Variants in SCN11A observed in about 807,000 individuals in gnomAD.
The protein encoded by SCN11A is sodium voltage-gated channel alpha subunit 11.
SCN11A carries 122 observed loss-of-function variants against 162.2 expected under a neutral mutation model. The observed-to-expected ratio is 0.75, with a 90% confidence interval of 0.65 to 0.87. The LOEUF (loss-of-function observed/expected upper bound fraction) is 0.87, where lower values mean the gene tolerates loss of function less well. Among genes scored for constraint, SCN11A ranks in the 40% least tolerant of loss-of-function variants. SCN11A has a pLI of 0.00. For synonymous variants in SCN11A, 758 were observed against 751.5 expected, an observed-to-expected ratio of 1.01 and a Z score of -0.14; for missense variants, 2,015 against 2,181.6, an observed-to-expected ratio of 0.92 and a Z score of 1.52.
At chr3:38,999,395 G>A (rs917276542) in intron 2 of SCN11A, among the ~76,000 whole-genome samples, 5 of 152,122 alleles carry the variant, frequency 3.3e-5, no homozygotes, top group Admixed American at 1.3e-4. Context: ...TTCATATCAA[G>A]ATTTTAAAGA....
intron 7 of SCN11A, among the ~76,000 whole-genome samples, chr3:38,944,919 TGCCATTGCACTCCA>T (rs2066493787): frequency 6.6e-6 from 1 of 151,706 alleles, no homozygotes; most frequent in Non-Finnish European, 1.5e-5. Flanking sequence ...GCTGAGATAG[TGCCATTGCACTCCA>T]GCCTGGGCAA....
intron 23 of SCN11A, among the ~76,000 whole-genome samples, chr3:38,872,589 T>C (rs1377580175): frequency 1.3e-5 from 2 of 152,222 alleles, no homozygotes; most frequent in Non-Finnish European, 2.9e-5. Flanking sequence ...TGGCAGTCAA[T>C]TGAAATTTAT....
At chr3:38,854,437 C>T (rs1439055356) in intron 28 of SCN11A, among the ~76,000 whole-genome samples, 1 of 152,140 alleles carries the variant, frequency 6.6e-6, no homozygotes, top group Admixed American at 6.5e-5. Context: ...ACATTTTAAA[C>T]TCATCAAAAT....
At chr3:38,883,473 G>A in intron 21 of SCN11A, 86 bp from the exon 22 acceptor site, 1 of 1,323,566 alleles carries the variant, frequency 7.6e-7, no homozygotes. Flanking sequence ...CTGTGTTCAT[G>A]CCCCTTGCCA....
chr3:38,900,817 T>G (rs899277202), intron 16 of SCN11A, among the ~76,000 whole-genome samples: 2 of 152,192 alleles, frequency 1.3e-5, no homozygotes, highest in Non-Finnish European at 2.9e-5. Flanking sequence ...GTACTGAATT[T>G]TGTATTTTCC....
chr3:38,998,031 C>G (rs190960369), intron 2 of SCN11A, among the ~76,000 whole-genome samples: 39 of 152,188 alleles, frequency 2.6e-4, no homozygotes, highest in African/African-American at 8.2e-4. Context: ...TTTTCATAAT[C>G]CCCTTCCAAA....
chr3:38,936,602 G>C (rs1257801974), intron 7 of SCN11A, among the ~76,000 whole-genome samples: 3 of 150,676 alleles, frequency 2.0e-5, no homozygotes, highest in East Asian at 1.9e-4. Context: ...GCCAAATCAT[G>C]AGTGAACTCC....
chr3:38,893,177 T>C (rs1575256166), intron 19 of SCN11A, among the ~76,000 whole-genome samples: 1 of 152,136 alleles, frequency 6.6e-6, no homozygotes, highest in African/African-American at 2.4e-5. Context: ...AAAAGACATG[T>C]TATGCAAACA....
chr3:39,031,263 T>C (rs2037655), intron 2 of SCN11A, among the ~76,000 whole-genome samples: 67,652 of 152,072 alleles, frequency 0.44, 18,197 homozygotes, highest in African/African-American at 0.77. Context: ...GGCTCTCGCT[T>C]GCCTATAATC....
chr3:39,046,279 AAGGAAGGAAGGAAGGGAGGG>A (rs2032179188), intron 1 of SCN11A, among the ~76,000 whole-genome samples: 1 of 136,458 alleles, frequency 7.3e-6, no homozygotes, highest in Non-Finnish European at 1.6e-5. Context: ...GGACAGAAGC[AAGGAAGGAAGGAAGGGAGGG>A]AGGAAGGGAG....
At chr3:38,902,861 T>A (rs1218589016) in intron 16 of SCN11A, among the ~76,000 whole-genome samples, 4 of 138,150 alleles carry the variant, frequency 2.9e-5, no homozygotes, top group Admixed American at 7.2e-5. Context: ...TAAAGACATG[T>A]AAAAAGACAT....
At chr3:38,989,595 C>T (rs540879273) in intron 2 of SCN11A, among the ~76,000 whole-genome samples, 57 of 152,316 alleles carry the variant, frequency 3.7e-4, no homozygotes, top group Non-Finnish European at 5.3e-4. Flanking sequence ...AGCAGGGATT[C>T]CTCTTCCTCA....
chr3:38,864,204 A>C (rs987769367), intron 27 of SCN11A, among the ~76,000 whole-genome samples: 10 of 152,184 alleles, frequency 6.6e-5, no homozygotes, highest in Admixed American at 6.6e-4. Context: ...AATCCAGACT[A>C]TGAGTAAAAA....
At chr3:38,909,243 A>C in intron 12 of SCN11A, 49 bp from the exon 13 acceptor site, 1 of 1,586,518 alleles carries the variant, frequency 6.3e-7, no homozygotes, top group Non-Finnish European at 8.6e-7. Flanking sequence ...CTTCCACAGG[A>C]AAGTGACCAT....
intron 2 of SCN11A, among the ~76,000 whole-genome samples, chr3:38,998,919 AG>A (rs1295207207): frequency 4.5e-5 from 3 of 66,636 alleles, no homozygotes; most frequent in African/African-American, 6.2e-5. Context: ...GGGTGGGGGG[AG>A]GGGGGAGGGA....
chr3:38,887,101 T>C (rs1264610069), intron 19 of SCN11A, among the ~76,000 whole-genome samples: 1 of 152,192 alleles, frequency 6.6e-6, no homozygotes, highest in Non-Finnish European at 1.5e-5. Flanking sequence ...AAATGCTTTT[T>C]AAGTACACGC....
chr3:38,906,145 T>A (rs185139778), intron 14 of SCN11A, among the ~76,000 whole-genome samples: 136 of 152,202 alleles, frequency 8.9e-4, no homozygotes, highest in Non-Finnish European at 4.4e-4. Flanking sequence ...GGCCTCTCAA[T>A]TCCCTTTCCC....
chr3:38,927,434 T>G (rs534018158), intron 7 of SCN11A, among the ~76,000 whole-genome samples: 2 of 147,448 alleles, frequency 1.4e-5, no homozygotes, highest in Non-Finnish European at 2.9e-5. Flanking sequence ...CCCAATGACA[T>G]TTTTTACAAA....
At chr3:38,927,036 G>A (rs1245972594) in intron 7 of SCN11A, 105 bp from the exon 8 acceptor site, 2 of 1,097,574 alleles carry the variant, frequency 1.8e-6, no homozygotes, top group Non-Finnish European at 2.6e-6. Context: ...ATTTCAATGT[G>A]ACATTTAACA....
Sources: allele counts gnomAD v4.1 joint callset (sites outside exome capture counted in the v4.1 genomes callset), GRCh38; gene constraint gnomAD v4.1.1; transcripts MANE v1.5; gene names NCBI Gene and HGNC (gene_info 2026-07-23, HGNC 2026-07-21).